NIF3L1: variants seen among roughly 807,000 people sequenced by gnomAD.
NIF3L1 encodes NGG1 interacting factor 3 like 1, also known as NIF3-like protein 1.
Under a neutral mutation model 35.0 loss-of-function variants are expected in NIF3L1, and 26 were observed. The observed-to-expected ratio is 0.74, with a 90% confidence interval of 0.54 to 1.03. The LOEUF is 1.03. Ranked by LOEUF, NIF3L1 falls within the 50% of genes least tolerant of loss-of-function variation. The pLI, the probability that NIF3L1 is intolerant of heterozygous loss-of-function variation, is 0.00. For missense variants in NIF3L1, 449 were observed against 466.3 expected (o/e 0.96, Z 0.34); for synonymous variants, 157 against 178.9 (o/e 0.88, Z 0.98).
chr2:200,898,252 T>C (rs562988098), intron 5 of NIF3L1, among the ~76,000 whole-genome samples: 13 of 152,332 alleles, frequency 8.5e-5, no homozygotes, highest in African/African-American at 3.1e-4. Context: ...AGAGGTTTAA[T>C]TGACTCACAG....
At chr2:200,901,455 A>G (rs1429686059) in intron 6 of NIF3L1, among the ~76,000 whole-genome samples, 3 of 152,260 alleles carry the variant, frequency 2.0e-5, no homozygotes, top group African/African-American at 7.2e-5. Flanking sequence ...AAGCAGTTCC[A>G]AAATGTTAAA....
At position 200,903,829 on chromosome 2, in the gene NIF3L1, A is replaced by G. The variant is rs551837416; in HGVS notation, c.*151A>G. 24 of 677,014 alleles carry G rather than the reference A, an allele frequency of 3.5e-5. No homozygotes were observed. Among genetic ancestry groups the G allele is most frequent in the Non-Finnish European group, 5.9e-5 (22 of 371,662 alleles). The allele number at this position is 677,014 out of a possible 1,614,324, so 41.9% of individuals were successfully genotyped here. ...GTTAATCTTATTCACCAAATGTTCT[A>G]TCGCTCGTAAGGTAAAACTGTAATA... On this transcript the variant is annotated 3_prime_UTR_variant, in exon 7 of 7. Transcript: ENST00000409020.
intron 1 of NIF3L1, among the ~76,000 whole-genome samples, chr2:200,889,953 A>G (rs2040134892): frequency 6.6e-6 from 1 of 152,192 alleles, no homozygotes; most frequent in Non-Finnish European, 1.5e-5. Context: ...CAGTTTCCTC[A>G]TCTGTAACAG....
chr2:200,895,529 T>C, intron 4 of NIF3L1, 139 bp downstream of exon 4: 8 of 806,262 alleles, frequency 9.9e-6, no homozygotes, highest in African/African-American at 1.7e-5. Flanking sequence ...GAATTGTACA[T>C]ATTTGATGTG....
chr2:200,893,430 T>A (rs1403204415), intron 3 of NIF3L1, 22 bp downstream of exon 3: 1 of 1,611,502 alleles, frequency 6.2e-7, no homozygotes, highest in Non-Finnish European at 8.5e-7. Flanking sequence ...TTTTCTCTTT[T>A]TTTTGTGTGT....
At chr2:200,902,781 TCTG>T (rs893795294) in intron 6 of NIF3L1, among the ~76,000 whole-genome samples, 1 of 152,208 alleles carries the variant, frequency 6.6e-6, no homozygotes, top group Non-Finnish European at 1.5e-5. Context: ...AAAGCATAAG[TCTG>T]CTGGGCAGTA....
chr2:200,900,132 C>T (rs2040388175), intron 6 of NIF3L1, among the ~76,000 whole-genome samples: 1 of 152,188 alleles, frequency 6.6e-6, no homozygotes, highest in East Asian at 1.9e-4. Flanking sequence ...TTCTCTGACA[C>T]TGTCCTGCTC....
Position 200,903,591 on chromosome 2 carries a change from C to G in NIF3L1, c.1047C>G (p.Asp349Glu). The G allele has an allele frequency of 6.2e-7, 1 of 1,613,808 alleles. No individual in the cohort carries two copies. The highest frequency in any genetic ancestry group is 8.5e-7 in the Non-Finnish European group (1 of 1,179,712). Residue 349 changes from aspartate (D) to glutamate (E), a missense_variant, in exon 7 of 7, where the codon GAC becomes GAG. Coordinates refer to ENST00000409020, the MANE Select transcript of NIF3L1 (RefSeq NM_001369441.2). ...HSNTERGFLS[D>E]LRDMLDSHLE... ...ACACTGAACGAGGCTTTCTTTCTGA[C>G]CTTCGAGATATGCTGGATTCTCACT... is the stretch of plus-strand genomic sequence containing the variant.
rs79840632 is a variant in NIF3L1, at chr2:200,892,017, G to A, written c.74G>A (p.Arg25His). 2.3e-4 allele frequency: 369 copies of A among 1,614,092 alleles called. No individual in the cohort carries two copies. In the East Asian group the frequency reaches 7.7e-3, roughly 34 times the overall value. ...FVDSLICNSS[R>H]SFMDLKALLS... ...GATTCCCTGATCTGCAATTCTTCCC[G>A]TTCCTTCATGGATTTGAAGGCTCTC... The change falls in exon 2 of 7, where the codon CGT (arginine) becomes CAT (histidine). Residue 25 changes from arginine (R) to histidine (H), a missense_variant. By Grantham distance (29) the Arg-to-His change is conservative. Transcript: ENST00000409020.
chr2:200,896,874 G>C (rs985075186), intron 4 of NIF3L1, among the ~76,000 whole-genome samples: 1 of 152,150 alleles, frequency 6.6e-6, no homozygotes, highest in African/African-American at 2.4e-5. Context: ...ATGAGCCATC[G>C]CGCCTGGCCT....
At chr2:200,897,429 C>T (rs530751035) in intron 5 of NIF3L1, among the ~76,000 whole-genome samples, 1 of 152,174 alleles carries the variant, frequency 6.6e-6, no homozygotes, top group Admixed American at 6.5e-5. Context: ...GCTATGTGTT[C>T]ATTTCAAGTT....
chr2:200,893,957 C>CT (rs767625693), intron 3 of NIF3L1, among the ~76,000 whole-genome samples: 15 of 152,140 alleles, frequency 9.9e-5, no homozygotes, highest in Non-Finnish European at 2.1e-4. Flanking sequence ...GGTGGATCAC[C>CT]TGAGGTCAGG....
chr2:200,897,349 T>A (rs1476953319), intron 5 of NIF3L1, 135 bp downstream of exon 5: 1 of 915,534 alleles, frequency 1.1e-6, no homozygotes, highest in Non-Finnish European at 1.6e-6. Flanking sequence ...CGTTATTGAT[T>A]AGGGTGGGCC....
chr2:200,900,105 AC>A (rs1442798110), intron 6 of NIF3L1, among the ~76,000 whole-genome samples: 1 of 151,530 alleles, frequency 6.6e-6, no homozygotes, highest in Non-Finnish European at 1.5e-5. Flanking sequence ...ATAAGTGAAC[AC>A]CCCCTCTGAG....
At chr2:200,898,394 A>G (rs923196615) in intron 5 of NIF3L1, among the ~76,000 whole-genome samples, 1 of 152,168 alleles carries the variant, frequency 6.6e-6, no homozygotes, top group Admixed American at 6.6e-5. Flanking sequence ...AGATCTCGTG[A>G]GACTCACGCA....
At chr2:200,890,804 C>A (rs1463430742) in intron 1 of NIF3L1, among the ~76,000 whole-genome samples, 1 of 152,116 alleles carries the variant, frequency 6.6e-6, no homozygotes, top group Admixed American at 6.6e-5. Flanking sequence ...TCCCCTCCCA[C>A]CTCTTGAGCC....
chr2:200,897,250 C>A, intron 5 of NIF3L1, 36 bp downstream of exon 5: 1 of 1,599,542 alleles, frequency 6.3e-7, no homozygotes, highest in Non-Finnish European at 8.5e-7. Context: ...AGTATGCCTA[C>A]TGTTAACATT....
intron 6 of NIF3L1, among the ~76,000 whole-genome samples, chr2:200,902,525 GCTA>G (rs1400013401): frequency 6.6e-6 from 1 of 152,068 alleles, no homozygotes; most frequent in African/African-American, 2.4e-5. Flanking sequence ...CTGAGATCGT[GCTA>G]CTGTACTCCA....
intron 1 of NIF3L1, 40 bp from the exon 2 acceptor site, chr2:200,891,878 A>T: frequency 7.9e-7 from 1 of 1,265,404 alleles, no homozygotes; most frequent in Non-Finnish European, 1.1e-6. Context: ...ATCCAGGCCT[A>T]AAGTATACCT....
Sources: gnomAD v4.1 joint callset for allele counts (sites outside exome capture counted in the v4.1 genomes callset) on GRCh38, gnomAD v4.1.1 for gene constraint, MANE v1.5 for transcripts, NCBI Gene and HGNC (gene_info 2026-07-23, HGNC 2026-07-21) for gene names.